The following EGFL7 variants were observed in gnomAD, a reference collection of about 807,000 sequenced individuals.
EGFL7 encodes EGF like domain multiple 7.
In EGFL7, 48 loss-of-function variants were observed where a neutral mutation model predicts 37.1. The ratio of observed to expected loss-of-function variants is 1.29; its 90% CI spans 1.03 to 1.65. The LOEUF (loss-of-function observed/expected upper bound fraction) is 1.65, where lower values mean the gene tolerates loss of function less well. Among genes scored for constraint, EGFL7 ranks in the 40% most tolerant of loss-of-function variants. The probability of loss-of-function intolerance (pLI) is 0.00; values close to 1 mark genes in which losing one functional copy is unlikely to be tolerated. For missense variants in EGFL7, 384 were observed against 378.9 expected, an observed-to-expected ratio of 1.01 and a Z score of -0.11; for synonymous variants, 180 against 156.8, an observed-to-expected ratio of 1.15 and a Z score of -1.10.
At chr9:136,665,909 G>C in intron 3 of EGFL7, 1 of 146,192 alleles carries the variant, frequency 6.8e-6, no homozygotes, top group East Asian at 2.0e-4. Flanking sequence ...CCCCGGGGGC[G>C]GGGAACCTGG....
At chr9:136,669,747 G>A (rs375940008) in intron 6 of EGFL7, 26 bp downstream of exon 6, 51 of 1,520,866 alleles carry the variant, frequency 3.4e-5, no homozygotes, top group Non-Finnish European at 3.7e-5. Context: ...CTCGGCGCCC[G>A]GTGTTAGGAG....
chr9:136,667,946 G>A (rs1338800757), intron 3 of EGFL7, among the ~76,000 whole-genome samples: 2 of 152,170 alleles, frequency 1.3e-5, no homozygotes, highest in Admixed American at 1.3e-4. Context: ...CATCCTTCCC[G>A]GAGCCTCGGG....
At chr9:136,662,312 C>T (rs1845197825), upstream of EGFL7, among the ~76,000 whole-genome samples, 1 of 152,210 alleles carries the variant, frequency 6.6e-6, no homozygotes, top group African/African-American at 2.4e-5. Flanking sequence ...TGCTTGTCCC[C>T]TCCCGTCACC....
At chr9:136,668,814 G>A (rs1449044793) in intron 5 of EGFL7, 141 bp downstream of exon 5, 19 of 798,350 alleles carry the variant, frequency 2.4e-5, no homozygotes, top group Non-Finnish European at 3.7e-5. Context: ...GGCTGCCTGA[G>A]ATGGGCGACC....
chr9:136,670,659 CGTGA>C (rs759310336), intron 8 of EGFL7: 3 of 772,288 alleles, frequency 3.9e-6, no homozygotes, highest in Admixed American at 1.7e-5. Context: ...AAACTCGTAC[CGTGA>C]GTAATAATGC....
chr9:136,668,407 G>C (rs750419885), intron 4 of EGFL7, 45 bp downstream of exon 4: 2 of 1,537,100 alleles, frequency 1.3e-6, no homozygotes, highest in African/African-American at 1.4e-5. Context: ...GGGGGACCGG[G>C]AGCCCTCAGC....
At chr9:136,667,666 C>T (rs1369079960) in intron 3 of EGFL7, among the ~76,000 whole-genome samples, 2 of 152,208 alleles carry the variant, frequency 1.3e-5, no homozygotes, top group East Asian at 3.9e-4. Flanking sequence ...TGAAGGCCGC[C>T]CCTCTGGTGG....
chr9:136,665,090 C>T (rs1845376793), intron 3 of EGFL7, among the ~76,000 whole-genome samples: 1 of 152,228 alleles, frequency 6.6e-6, no homozygotes, highest in Non-Finnish European at 1.5e-5. Context: ...CCTGTGGATT[C>T]GCTGGGAGGA....
intron 8 of EGFL7, 103 bp downstream of exon 8, chr9:136,670,433 G>A (rs1439235196): frequency 3.7e-6 from 5 of 1,365,842 alleles, no homozygotes; most frequent in Non-Finnish European, 5.0e-6. Context: ...TGGGCGGAAG[G>A]CGGTGGGGAC....
chr9:136,670,227 C>T lies in EGFL7; in HGVS notation c.468C>T (p.Ala156=), dbSNP rs772086512. 9.3e-6 allele frequency: 15 copies of T among 1,612,604 alleles called. No individual in the cohort carries two copies. Among genetic ancestry groups the T allele is most frequent in the East Asian group, 8.9e-5 (4 of 44,880 alleles). The stretch of plus-strand genomic sequence containing the variant: ...GTCCCCAGCGCTGCGTCAACACCGC[C>T]GGCAGTTACTGGTGCCAGTGTTGGG... The part of the protein sequence containing the change: ...GGCPQRCVNT[A]GSYWCQCWEG... Residue 156 remains alanine (A), a synonymous_variant, in exon 8 of 11, where the codon GCC becomes GCT. Transcript: ENST00000308874.
At chr9:136,671,527 T>C (rs917660726) in intron 9 of EGFL7, among the ~76,000 whole-genome samples, 5 of 143,610 alleles carry the variant, frequency 3.5e-5, no homozygotes, top group African/African-American at 1.3e-4. Context: ...AGCTGGACAC[T>C]GACCAGGACC....
At position 136,672,520 on chromosome 9, in the gene EGFL7, C is replaced by T; in HGVS notation, c.*234C>T. 3 of 607,090 alleles carry T rather than the reference C, an allele frequency of 4.9e-6. No individual in the cohort carries two copies. The highest frequency in any genetic ancestry group is 8.7e-6 in the Non-Finnish European group (3 of 343,390). 37.6% of individuals were successfully genotyped at this position (607,090 alleles called of 1,614,324 possible). A position where few individuals can be genotyped will look rare whatever the true frequency, so the allele number is the denominator to read the frequency against. ...CTGGCTACCCCCACCCTGGCTACCC[C>T]AACGGCATCCCAAGGCCAGGTGGGC... On this transcript the variant is annotated 3_prime_UTR_variant, in exon 11 of 11. Coordinates refer to ENST00000308874, the MANE Select transcript of EGFL7 (RefSeq NM_016215.5).
chr9:136,672,061 T>TC lies in EGFL7; in HGVS notation c.774dup (p.Phe259LeufsTer25). 1 of 1,546,714 alleles carries TC rather than the reference T, an allele frequency of 6.5e-7. No homozygotes were observed. Among genetic ancestry groups the TC allele is most frequent in the Non-Finnish European group, 8.7e-7 (1 of 1,147,052 alleles). On this transcript the variant is annotated frameshift_variant, in exon 10 of 11. Transcript: ENST00000308874. LOFTEE classifies it high-confidence loss of function. ...CATCGACTCCCTGAGCGAGCAGATT[T>TC]CCTTCCTGGAGGAGCAGCTGGGGTC... is the stretch of plus-strand genomic sequence containing the variant.
At chr9:136,667,738 T>C (rs1198439155) in intron 3 of EGFL7, among the ~76,000 whole-genome samples, 2 of 152,196 alleles carry the variant, frequency 1.3e-5, no homozygotes, top group Non-Finnish European at 2.9e-5. Flanking sequence ...GCCCACCTGC[T>C]GGGGCCGGTT....
At chr9:136,662,169 G>A (rs758620069), upstream of EGFL7, among the ~76,000 whole-genome samples, 62 of 152,246 alleles carry the variant, frequency 4.1e-4, no homozygotes, top group African/African-American at 1.4e-3. Context: ...CCACACCCCC[G>A]GCCGCAGCCT....
chr9:136,670,255 G>A lies in EGFL7; in HGVS notation c.496G>A (p.Gly166Arg), dbSNP rs1386728062. The A allele has an allele frequency of 1.9e-6, 3 of 1,612,470 alleles. No homozygotes were observed. Among genetic ancestry groups the A allele is most frequent in the Middle Eastern group, 3.3e-4 (2 of 6,046 alleles). Residue 166 changes from glycine to arginine, a missense_variant, in exon 8 of 11, where the codon GGG becomes AGG. By Grantham distance (125) the Gly-to-Arg change is moderately radical. Coordinates refer to ENST00000308874, the MANE Select transcript of EGFL7 (RefSeq NM_016215.5). ...CAGTTACTGGTGCCAGTGTTGGGAG[G>A]GGCACAGCCTGTCTGCAGACGGTAC... ...AGSYWCQCWE[G>R]HSLSADGTLC... is the part of the protein sequence containing the mutation.
rs776741180 is a variant in EGFL7 at position 136,669,688 on chromosome 9, A to C, written c.280A>C (p.Arg94=). The C allele has an allele frequency of 3.7e-6, 6 of 1,605,468 alleles. No individual in the cohort carries two copies. The highest frequency in any genetic ancestry group is 4.2e-6 in the Non-Finnish European group (5 of 1,177,158). Residue 94 remains arginine (R), a synonymous_variant, in exon 6 of 11, where the codon AGG becomes CGG. Coordinates refer to ENST00000308874, the MANE Select transcript of EGFL7 (RefSeq NM_016215.5). ...PRYACCPGWK[R]TSGLPGACGA... ...CTACGCGTGCTGCCCCGGCTGGAAG[A>C]GGACCAGCGGGCTTCCTGGGGCCTG...
intron 5 of EGFL7, 106 bp downstream of exon 5, chr9:136,668,779 G>C: frequency 9.5e-7 from 1 of 1,048,744 alleles, no homozygotes; most frequent in Non-Finnish European, 1.4e-6. Context: ...CCCAAGATGG[G>C]AAACTGAGGC....
chr9:136,672,138 G>A, intron 10 of EGFL7, 50 bp downstream of exon 10: 1 of 1,565,708 alleles, frequency 6.4e-7, no homozygotes, highest in Non-Finnish European at 8.7e-7. Context: ...GGGCCCAGTG[G>A]GCCTAGAGGG....
Sources: gnomAD v4.1 joint callset for allele counts (sites outside exome capture counted in the v4.1 genomes callset) on GRCh38, gnomAD v4.1.1 for gene constraint, MANE v1.5 for transcripts, NCBI Gene and HGNC (gene_info 2026-07-23, HGNC 2026-07-21) for gene names.